CCDC171: variants seen among roughly 807,000 people sequenced by gnomAD.
The protein encoded by CCDC171 is coiled-coil domain-containing protein 171.
A neutral mutation model predicts 168.2 loss-of-function variants in CCDC171; 177 were observed. That is an observed-to-expected ratio of 1.05 (90% CI 0.93 to 1.19). The LOEUF (loss-of-function observed/expected upper bound fraction) is 1.19, where lower values mean the gene tolerates loss of function less well. CCDC171 is among the 50% of genes most tolerant of loss of function. The pLI, the probability that CCDC171 is intolerant of heterozygous loss-of-function variation, is 0.00. For synonymous variants in CCDC171, 687 were observed against 540.8 expected (o/e 1.27, Z -3.75); for missense variants, 1,991 against 1,539.0 (o/e 1.29, Z -4.91).
At chr9:15,674,610 G>C (rs1456438030) in intron 9 of CCDC171, among the ~76,000 whole-genome samples, 1 of 152,010 alleles carries the variant, frequency 6.6e-6, no homozygotes, top group Non-Finnish European at 1.5e-5. Flanking sequence ...CCTTCATTTT[G>C]TTATTTACTG....
the CCDC171 span, among the ~76,000 whole-genome samples, chr9:16,096,480 C>G: frequency 6.6e-6 from 1 of 152,182 alleles, no homozygotes; most frequent in Non-Finnish European, 1.5e-5. Flanking sequence ...TAAAAGAAAG[C>G]AAGCTCTTTG....
intron 3 of CCDC171, among the ~76,000 whole-genome samples, chr9:16,006,004 C>T (rs1832684042): frequency 6.6e-6 from 1 of 151,978 alleles, no homozygotes; most frequent in South Asian, 2.1e-4. Flanking sequence ...GGACTACAGG[C>T]ATGCACCACT....
At chr9:15,724,368 A>G (rs1346530406) in intron 13 of CCDC171, among the ~76,000 whole-genome samples, 1 of 152,198 alleles carries the variant, frequency 6.6e-6, no homozygotes, top group Non-Finnish European at 1.5e-5. Context: ...ATTTTGTGCC[A>G]CATATTTGAG....
chr9:15,579,017 C>T lies in CCDC171; in HGVS notation c.346C>T (p.Leu116Phe), dbSNP rs760252397. The change falls in exon 4 of 26, where the codon CTC becomes TTC. Residue 116 changes from leucine to phenylalanine, a missense_variant. Transcript: ENST00000380701. ...LAEAHRIQEKLCAQNSELQAK... is the reference protein window; with the variant it reads ...LAEAHRIQEKFCAQNSELQAK... Reference sequence around the variant, plus strand: ...CGAGGCACATAGGATCCAAGAAAAACTCTGTGGTAAGACTGTTTCTATTTC... The same window carrying T: ...CGAGGCACATAGGATCCAAGAAAAATTCTGTGGTAAGACTGTTTCTATTTC... The T allele has an allele frequency of 7.4e-6, 12 of 1,613,068 alleles. No homozygotes were observed. The highest frequency in any genetic ancestry group is 1.6e-4 in the Middle Eastern group (1 of 6,078).
At chr9:15,978,261 C>T (rs532377448), downstream of CCDC171, among the ~76,000 whole-genome samples, 4 of 152,254 alleles carry the variant, frequency 2.6e-5, no homozygotes, top group South Asian at 2.1e-4. Flanking sequence ...GCTCTGAAGA[C>T]GATTTAGAGA....
chr9:15,669,363 A>C (rs564830591), intron 9 of CCDC171, among the ~76,000 whole-genome samples: 1 of 152,048 alleles, frequency 6.6e-6, no homozygotes, highest in Non-Finnish European at 1.5e-5. Context: ...AGTTGTACAT[A>C]TTTATGGGGT....
intron 16 of CCDC171, among the ~76,000 whole-genome samples, chr9:15,735,738 G>A (rs1056351268): frequency 1.3e-5 from 2 of 152,050 alleles, no homozygotes; most frequent in Non-Finnish European, 2.9e-5. Flanking sequence ...ATTGTTGGAG[G>A]TGATAATTCC....
intron 9 of CCDC171, among the ~76,000 whole-genome samples, chr9:15,675,482 A>G (rs1216331849): frequency 6.6e-6 from 1 of 152,080 alleles, no homozygotes; most frequent in African/African-American, 2.4e-5. Context: ...AGTCTTTACA[A>G]TTTGGTATGT....
At chr9:15,794,860 G>A (rs6474973) in intron 21 of CCDC171, among the ~76,000 whole-genome samples, 143,851 of 152,280 alleles carry the variant, frequency 0.94, 68,008 homozygotes, top group East Asian at 1. Context: ...GCTGCACCCA[G>A]TTTCTTAATT....
chr9:15,966,649 C>T (rs901695074), intron 25 of CCDC171, among the ~76,000 whole-genome samples: 16 of 152,174 alleles, frequency 1.1e-4, no homozygotes, highest in African/African-American at 3.9e-4. Context: ...GATCTCTAGG[C>T]ACACTGGGCC....
At chr9:15,600,538 C>G (rs1456758263) in intron 6 of CCDC171, among the ~76,000 whole-genome samples, 9 of 152,124 alleles carry the variant, frequency 5.9e-5, no homozygotes, top group Non-Finnish European at 1.3e-4. Flanking sequence ...AGGTGTCAGT[C>G]TGCCCCTACT....
At chr9:15,633,783 A>G (rs2045961252) in intron 7 of CCDC171, among the ~76,000 whole-genome samples, 1 of 152,238 alleles carries the variant, frequency 6.6e-6, no homozygotes, top group African/African-American at 2.4e-5. Flanking sequence ...CCAAATGTCC[A>G]ACAATGATAG....
At chr9:16,047,544 A>G (rs1242162882) in intron 1 of CCDC171, among the ~76,000 whole-genome samples, 1 of 152,174 alleles carries the variant, frequency 6.6e-6, no homozygotes, top group African/African-American at 2.4e-5. Context: ...ACCTGTGGCC[A>G]TTCTTTCTTA....
chr9:15,700,274 G>C (rs960423532), intron 11 of CCDC171, among the ~76,000 whole-genome samples: 1 of 152,238 alleles, frequency 6.6e-6, no homozygotes, highest in Non-Finnish European at 1.5e-5. Flanking sequence ...CTCTGCAGCC[G>C]CTGGCCCGGG....
At chr9:15,597,808 T>G (rs2042493950) in intron 6 of CCDC171, among the ~76,000 whole-genome samples, 1 of 152,156 alleles carries the variant, frequency 6.6e-6, no homozygotes, top group South Asian at 2.1e-4. Flanking sequence ...TATTAATTAT[T>G]GCCTCAATTT....
intron 24 of CCDC171, among the ~76,000 whole-genome samples, chr9:15,887,061 A>G (rs1194732969): frequency 2.6e-5 from 4 of 152,142 alleles, no homozygotes; most frequent in Non-Finnish European, 4.4e-5. Context: ...GTACAGTGCT[A>G]TATAATGCAT....
At chr9:15,900,647 C>G (rs1821507099) in intron 24 of CCDC171, among the ~76,000 whole-genome samples, 1 of 152,186 alleles carries the variant, frequency 6.6e-6, no homozygotes, top group Admixed American at 6.5e-5. Context: ...TTTCAATACC[C>G]TAGAGTGAGG....
intron 3 of CCDC171, among the ~76,000 whole-genome samples, chr9:15,987,542 A>G (rs893125373): frequency 3.3e-5 from 5 of 152,242 alleles, no homozygotes; most frequent in African/African-American, 1.2e-4. Context: ...AGAAAAATGA[A>G]TACAAGATTG....
the CCDC171 span, among the ~76,000 whole-genome samples, chr9:16,072,114 A>C: frequency 6.6e-6 from 1 of 152,204 alleles, no homozygotes; most frequent in Non-Finnish European, 1.5e-5. Flanking sequence ...AAACAGACTG[A>C]TCTTATGTAA....
Sources: allele counts gnomAD v4.1 joint callset (sites outside exome capture counted in the v4.1 genomes callset), GRCh38; gene constraint gnomAD v4.1.1; transcripts MANE v1.5; gene names NCBI Gene and HGNC (gene_info 2026-07-23, HGNC 2026-07-21).